The following ARHGEF3 variants were observed in gnomAD, a reference collection of about 807,000 sequenced individuals.
The protein encoded by ARHGEF3 is 59.8 kDA protein.
A neutral mutation model predicts 63.2 loss-of-function variants in ARHGEF3; 28 were observed. That is an observed-to-expected ratio of 0.44 (90% CI 0.33 to 0.61). ARHGEF3 has a LOEUF of 0.61. Ranked by LOEUF, ARHGEF3 falls within the 20% of genes least tolerant of loss-of-function variation. The pLI is 0.03. For missense variants in ARHGEF3, 533 were observed against 659.3 expected, an observed-to-expected ratio of 0.81 and a Z score of 2.10; for synonymous variants, 266 against 254.2, an observed-to-expected ratio of 1.05 and a Z score of -0.44.
At chr3:57,006,893 A>G (rs1702491063) in intron 2 of ARHGEF3, among the ~76,000 whole-genome samples, 1 of 152,130 alleles carries the variant, frequency 6.6e-6, no homozygotes, top group Non-Finnish European at 1.5e-5. Context: ...AGTTTTCCCA[A>G]AGCTGGATGG....
intron 2 of ARHGEF3, among the ~76,000 whole-genome samples, chr3:57,018,821 A>G (rs1405337575): frequency 6.6e-6 from 1 of 152,102 alleles, no homozygotes; most frequent in Non-Finnish European, 1.5e-5. Context: ...GTTGGTGCTA[A>G]TATTATTCCT....
At chr3:57,054,370 C>T (rs955687462) in intron 1 of ARHGEF3, among the ~76,000 whole-genome samples, 1 of 151,780 alleles carries the variant, frequency 6.6e-6, no homozygotes, top group Admixed American at 6.6e-5. Context: ...TGGCTCACAC[C>T]TATAATCCCA....
At chr3:57,017,032 T>TCTCTCTCTCTCTCTCA (rs1221332567) in intron 2 of ARHGEF3, among the ~76,000 whole-genome samples, 4 of 104,314 alleles carry the variant, frequency 3.8e-5, no homozygotes, top group African/African-American at 1.4e-4. Flanking sequence ...TCTCTCTCTC[T>TCTCTCTCTCTCTCTCA]CACACACACA....
chr3:56,812,024 T>C (rs1225554873), intron 4 of ARHGEF3, among the ~76,000 whole-genome samples: 1 of 152,220 alleles, frequency 6.6e-6, no homozygotes, highest in African/African-American at 2.4e-5. Context: ...GGACCATATC[T>C]ATCTTGCTCA....
chr3:56,889,056 C>T (rs984550718), intron 3 of ARHGEF3, among the ~76,000 whole-genome samples: 9 of 151,990 alleles, frequency 5.9e-5, no homozygotes, highest in African/African-American at 9.7e-5. Context: ...GCCAGAGACT[C>T]GTTACTGCCT....
Position 56,797,676 on chromosome 3 carries a change from A to G in ARHGEF3, c.96+4027T>C, listed in dbSNP as rs927244081. 3.3e-5 allele frequency among the ~76,000 whole-genome samples: 5 copies of G among 152,308 alleles called. No homozygotes were observed. In the East Asian group the frequency reaches 5.8e-4, roughly 18 times the overall value. ...AGAAGTACAGCCCGAGGTGCATACA[A>G]TTTTAAAATGCACATGTTGACTGAT... On this transcript the variant is annotated intron_variant, in intron 1 of 9. Coordinates refer to ENST00000296315, the MANE Select transcript of ARHGEF3 (RefSeq NM_019555.3).
At chr3:56,882,259 G>A (rs562057633) in intron 4 of ARHGEF3, 337 of 1,534,090 alleles carry the variant, frequency 2.2e-4, no homozygotes, top group Non-Finnish European at 2.7e-4. Context: ...AGATGCTCTC[G>A]GTGCCAGTGG....
At chr3:56,819,649 C>A (rs1000417502) in intron 4 of ARHGEF3, among the ~76,000 whole-genome samples, 8 of 151,600 alleles carry the variant, frequency 5.3e-5, no homozygotes, top group Non-Finnish European at 1.0e-4. Flanking sequence ...GTAGCTGGGA[C>A]TACAGGTGCA....
At chr3:56,821,087 G>T (rs2038472266) in intron 4 of ARHGEF3, among the ~76,000 whole-genome samples, 1 of 151,990 alleles carries the variant, frequency 6.6e-6, no homozygotes, top group Non-Finnish European at 1.5e-5. Context: ...GACAGAGGCT[G>T]CAGTGAATGC....
At chr3:56,917,748 C>T (rs903012892) in intron 3 of ARHGEF3, among the ~76,000 whole-genome samples, 1 of 152,154 alleles carries the variant, frequency 6.6e-6, no homozygotes, top group African/African-American at 2.4e-5. Context: ...CAGTGCAGAA[C>T]TACAGGGTAT....
chr3:56,755,852 G>GGAGT (rs957002354), intron 2 of ARHGEF3, among the ~76,000 whole-genome samples: 2 of 152,184 alleles, frequency 1.3e-5, no homozygotes, highest in African/African-American at 4.8e-5. Flanking sequence ...AATGAAGGAT[G>GGAGT]GAGTGACCAA....
In ARHGEF3 at chr3:56,751,148, C is replaced by T. The variant is rs200590614; in HGVS notation, c.536-16G>A. On this transcript the variant is annotated splice_polypyrimidine_tract_variant and intron_variant, in intron 5 of 9. Coordinates refer to ENST00000296315, the MANE Select transcript of ARHGEF3 (RefSeq NM_019555.3). ...CTAAGGAGCTCTGGCAAAAAACAAACAGATGCTTATTTGTTAGGCATTCAA... is the reference window on the plus strand; with the variant it reads ...CTAAGGAGCTCTGGCAAAAAACAAATAGATGCTTATTTGTTAGGCATTCAA... 6.8e-6 allele frequency: 11 copies of T among 1,613,028 alleles called. No homozygotes were observed. In the East Asian group the frequency reaches 2.5e-4, roughly 36 times the overall value.
At chr3:56,745,816 C>T (rs987739935) in intron 6 of ARHGEF3, among the ~76,000 whole-genome samples, 3 of 152,118 alleles carry the variant, frequency 2.0e-5, no homozygotes, top group Admixed American at 6.5e-5. Context: ...GGACTACAGG[C>T]GCCCGCCACC....
At chr3:56,822,671 G>A (rs567963129) in intron 4 of ARHGEF3, among the ~76,000 whole-genome samples, 2 of 151,984 alleles carry the variant, frequency 1.3e-5, no homozygotes, top group East Asian at 1.9e-4. Context: ...TGGGCAACAC[G>A]GTGAAACCCC....
At chr3:56,950,106 C>T (rs997388922) in intron 3 of ARHGEF3, among the ~76,000 whole-genome samples, 2 of 152,014 alleles carry the variant, frequency 1.3e-5, no homozygotes, top group African/African-American at 4.8e-5. Flanking sequence ...GGATCCCTTC[C>T]TTACACCTTA....
At chr3:56,904,592 C>T (rs1034028911) in intron 3 of ARHGEF3, among the ~76,000 whole-genome samples, 12 of 152,194 alleles carry the variant, frequency 7.9e-5, no homozygotes, top group Non-Finnish European at 1.5e-4. Flanking sequence ...ACATTGTTCT[C>T]TGTTTTGACT....
chr3:56,775,614 C>T, intron 1 of ARHGEF3: 1 of 985,592 alleles, frequency 1.0e-6, no homozygotes, highest in Non-Finnish European at 1.2e-6. Context: ...CATTGCGTGA[C>T]AATGATTTAA....
At chr3:57,034,684 T>TCTCA (rs1703878722) in intron 2 of ARHGEF3, among the ~76,000 whole-genome samples, 2 of 130,928 alleles carry the variant, frequency 1.5e-5, no homozygotes, top group African/African-American at 6.6e-5. Flanking sequence ...TTTGACAAGG[T>TCTCA]CTCACTCTGT....
chr3:56,809,900 T>A (rs996859431), intron 4 of ARHGEF3, among the ~76,000 whole-genome samples: 3 of 152,016 alleles, frequency 2.0e-5, no homozygotes, highest in African/African-American at 7.2e-5. Flanking sequence ...GCCTGGCTAA[T>A]TTTTGTATTT....
Sources: gnomAD v4.1 joint callset for allele counts (sites outside exome capture counted in the v4.1 genomes callset) on GRCh38, gnomAD v4.1.1 for gene constraint, MANE v1.5 for transcripts, NCBI Gene and HGNC (gene_info 2026-07-23, HGNC 2026-07-21) for gene names.